Variants in TEX36 observed in about 807,000 individuals in gnomAD.
TEX36 encodes the protein testis-expressed protein 36.
In TEX36, 12 loss-of-function variants were observed where a neutral mutation model predicts 13.6. The ratio of observed to expected loss-of-function variants is 0.88; its 90% CI spans 0.56 to 1.43. The LOEUF (loss-of-function observed/expected upper bound fraction) is 1.43, where lower values mean the gene tolerates loss of function less well. TEX36 is among the 40% of genes most tolerant of loss of function. TEX36 has a pLI of 0.00. For synonymous variants in TEX36, 93 were observed against 83.0 expected, an observed-to-expected ratio of 1.12 and a Z score of -0.65; for missense variants, 224 against 228.3, an observed-to-expected ratio of 0.98 and a Z score of 0.12.
intron 3 of TEX36, among the ~76,000 whole-genome samples, chr10:125,578,697 CT>C (rs1179407631): frequency 1.3e-5 from 2 of 152,152 alleles, no homozygotes; most frequent in African/African-American, 4.8e-5. Context: ...AGAATCTCCT[CT>C]GCTACACCCA....
At chr10:125,628,331 C>T (rs1352492596) in intron 3 of TEX36, among the ~76,000 whole-genome samples, 1 of 152,216 alleles carries the variant, frequency 6.6e-6, no homozygotes, top group East Asian at 1.9e-4. Context: ...AATATGGAAG[C>T]ATAGTTAATG....
chr10:125,587,884 A>G (rs1356893075), intron 3 of TEX36, among the ~76,000 whole-genome samples: 1 of 151,900 alleles, frequency 6.6e-6, no homozygotes, highest in Admixed American at 6.6e-5. Flanking sequence ...ATAACAAGTA[A>G]TAGTTCTTCT....
chr10:125,587,177 G>T (rs1845964311), intron 3 of TEX36, among the ~76,000 whole-genome samples: 1 of 152,056 alleles, frequency 6.6e-6, no homozygotes, highest in Admixed American at 6.5e-5. Context: ...CCAATTTCAG[G>T]TATTTCTTTA....
chr10:125,649,180 T>A (rs1029411069), intron 3 of TEX36, among the ~76,000 whole-genome samples: 1 of 151,988 alleles, frequency 6.6e-6, no homozygotes, highest in Non-Finnish European at 1.5e-5. Context: ...CCTCGAGAAG[T>A]GCAACTCCAA....
At chr10:125,594,283 T>C (rs763630831) in intron 3 of TEX36, among the ~76,000 whole-genome samples, 24 of 152,192 alleles carry the variant, frequency 1.6e-4, no homozygotes, top group Non-Finnish European at 2.8e-4. Context: ...AGGTTAAAAG[T>C]AAAAGCATTT....
Position 125,656,085 on chromosome 10 carries a change from G to A in TEX36, c.376C>T (p.Gln126Ter). The part of the protein sequence containing the change: ...PSCLDGFSNN[Q>*]ISYVYKEAMV... ...GCTTCTTTATATACGTATGATATTT[G>A]GTTATTTGAAAAGCCATCAAGACAA... Residue 126 changes from glutamine (Q) to a stop codon, truncating the protein, a stop_gained, in exon 4 of 4, where the codon CAA becomes TAA. Coordinates refer to ENST00000368821, the MANE Select transcript of TEX36 (RefSeq NM_001128202.3). LOFTEE classifies it low-confidence loss of function (END_TRUNC). 6.4e-7 allele frequency: 1 copy of A among 1,551,374 alleles called. No individual in the cohort carries two copies.
intron 3 of TEX36, among the ~76,000 whole-genome samples, chr10:125,607,981 T>C (rs1364021102): frequency 6.6e-6 from 1 of 152,022 alleles, no homozygotes; most frequent in Non-Finnish European, 1.5e-5. Flanking sequence ...GAAATGATGG[T>C]TTAATGAGTA....
intron 3 of TEX36, among the ~76,000 whole-genome samples, chr10:125,610,799 CT>C (rs1290744354): frequency 1.3e-5 from 2 of 152,068 alleles, no homozygotes; most frequent in Admixed American, 6.5e-5. Flanking sequence ...TTTAGTTTTT[CT>C]TTTCACGATT....
intron 3 of TEX36, among the ~76,000 whole-genome samples, chr10:125,602,820 G>T (rs911350216): frequency 6.6e-5 from 10 of 152,044 alleles, no homozygotes; most frequent in African/African-American, 1.9e-4. Context: ...TCTTTTTTAG[G>T]AATTAACATT....
chr10:125,590,826 A>G (rs1176274457), intron 3 of TEX36, among the ~76,000 whole-genome samples: 5 of 152,210 alleles, frequency 3.3e-5, no homozygotes. Flanking sequence ...CAATAGAGAG[A>G]TTCTATATAT....
intron 3 of TEX36, among the ~76,000 whole-genome samples, chr10:125,615,172 G>A (rs1448715443): frequency 6.6e-6 from 1 of 152,068 alleles, no homozygotes; most frequent in Non-Finnish European, 1.5e-5. Flanking sequence ...TCAGCTTAAG[G>A]AGATTTTGGG....
chr10:125,640,920 G>T (rs1846681195), intron 3 of TEX36, among the ~76,000 whole-genome samples: 1 of 151,978 alleles, frequency 6.6e-6, no homozygotes, highest in Non-Finnish European at 1.5e-5. Flanking sequence ...CATATGGGAA[G>T]CCTATAGTTA....
intron 3 of TEX36, among the ~76,000 whole-genome samples, chr10:125,660,360 A>C (rs1847014930): frequency 6.6e-6 from 1 of 152,152 alleles, no homozygotes; most frequent in South Asian, 2.1e-4. Context: ...CCTGACCTCA[A>C]GTGATCCTCC....
At chr10:125,580,378 C>T (rs774809184) in intron 3 of TEX36, among the ~76,000 whole-genome samples, 1 of 152,198 alleles carries the variant, frequency 6.6e-6, no homozygotes, top group Admixed American at 6.5e-5. Flanking sequence ...AAAAGGTTTT[C>T]TCCAACTTTA....
chr10:125,672,103 G>T (rs1437908270), intron 1 of TEX36, among the ~76,000 whole-genome samples: 9 of 150,998 alleles, frequency 6.0e-5, no homozygotes, highest in Admixed American at 5.9e-4. Context: ...GATTTTTTTT[G>T]AAATGTTTTT....
intron 3 of TEX36, among the ~76,000 whole-genome samples, chr10:125,658,732 T>G (rs548168339): frequency 6.6e-6 from 1 of 152,208 alleles, no homozygotes; most frequent in East Asian, 1.9e-4. Flanking sequence ...TTTCTAAAAT[T>G]TTTAACCATA....
chr10:125,606,252 C>CA (rs1208941316), intron 3 of TEX36, among the ~76,000 whole-genome samples: 1 of 152,204 alleles, frequency 6.6e-6, no homozygotes, highest in African/African-American at 2.4e-5. Flanking sequence ...GACAAGACAT[C>CA]AATAGATTCC....
intron 3 of TEX36, among the ~76,000 whole-genome samples, chr10:125,601,264 C>G (rs1348434409): frequency 6.6e-6 from 1 of 152,184 alleles, no homozygotes; most frequent in Non-Finnish European, 1.5e-5. Flanking sequence ...TTCTATAAGA[C>G]ACGTATAGTA....
intron 3 of TEX36, among the ~76,000 whole-genome samples, chr10:125,644,367 A>G (rs1274218302): frequency 6.6e-6 from 1 of 152,226 alleles, no homozygotes; most frequent in African/African-American, 2.4e-5. Context: ...AAGAACATGG[A>G]GGAGAGAAAA....
Sources: allele counts gnomAD v4.1 joint callset (sites outside exome capture counted in the v4.1 genomes callset), GRCh38; gene constraint gnomAD v4.1.1; transcripts MANE v1.5; gene names NCBI Gene and HGNC (gene_info 2026-07-23, HGNC 2026-07-21).